The following MKI67 variants were observed in gnomAD, a reference collection of about 807,000 sequenced individuals.
MKI67 encodes the protein proliferation marker protein Ki-67.
MKI67 carries 152 observed loss-of-function variants against 233.5 expected under a neutral mutation model. That is an observed-to-expected ratio of 0.65 (90% CI 0.57 to 0.74). The LOEUF (loss-of-function observed/expected upper bound fraction) is 0.74, where lower values mean the gene tolerates loss of function less well. Among genes scored for constraint, MKI67 ranks in the 30% least tolerant of loss-of-function variants. The pLI, the probability that MKI67 is intolerant of heterozygous loss-of-function variation, is 0.00. For synonymous variants in MKI67, 1,465 were observed against 1,418.5 expected (o/e 1.03, Z -0.74); for missense variants, 3,940 against 3,885.2 (o/e 1.01, Z -0.37).
In MKI67 at chr10:128,108,185, G is replaced by A; in HGVS notation, c.3655C>T (p.Gln1219Ter). Residue 1219 changes from glutamine (Q) to a stop codon, truncating the protein, a stop_gained, in exon 13 of 15, where the codon CAG (glutamine) becomes TAG (stop). Transcript: ENST00000368654. LOFTEE classifies it high-confidence loss of function. ...RQLQTPKEKA[Q>*]ALEDLAGFKE... ...AAGCCAGCCAGGTCTTCTAGAGCCT[G>A]GGCCTTTTCCTTAGGAGTCTGTAGC... The A allele has an allele frequency of 6.2e-7, 1 of 1,613,636 alleles. No individual in the cohort carries two copies. Among genetic ancestry groups the A allele is most frequent in the Middle Eastern group, 1.7e-4 (1 of 6,060 alleles).
At position 128,108,806 on chromosome 10, in the gene MKI67, G is replaced by A. The variant is rs941250216; in HGVS notation, c.3034C>T (p.Pro1012Ser). ...TGTGTTGGGGTGTTTATTGGTTCTG[G>A]TTGTAATGACTGGCAGGGCATTTTA... ...ITKMPCQSLQ[P>S]EPINTPTHTK... The change falls in exon 13 of 15, where the codon CCA becomes TCA. Residue 1012 changes from proline (P) to serine (S), a missense_variant. Transcript: ENST00000368654. 1.9e-6 allele frequency: 3 copies of A among 1,614,170 alleles called. No individual in the cohort carries two copies. Among genetic ancestry groups the A allele is most frequent in the South Asian group, 2.2e-5 (2 of 91,088 alleles).
chr10:128,116,353 A>G, intron 6 of MKI67, 138 bp downstream of exon 6: 1 of 780,666 alleles, frequency 1.3e-6, no homozygotes, highest in East Asian at 2.6e-5. Flanking sequence ...TCTGTCGTTG[A>G]CATGTTAAAT....
rs546169919 is a variant in MKI67 at position 128,099,044 on chromosome 10, T to C, written c.*146A>G. Reference sequence around the variant, plus strand: ...CTCCCAGTGGAGTTTATGAAGCCGATTCAGACCCAGCAAATCCAAAGTTTT... The same window carrying C: ...CTCCCAGTGGAGTTTATGAAGCCGACTCAGACCCAGCAAATCCAAAGTTTT... On this transcript the variant is annotated 3_prime_UTR_variant, in exon 15 of 15. Transcript: ENST00000368654. 24 of 594,840 alleles carry C rather than the reference T, an allele frequency of 4.0e-5. No homozygotes were observed. The highest frequency in any genetic ancestry group is 1.3e-4 in the Admixed American group (4 of 30,654). 36.8% of individuals were successfully genotyped at this position (594,840 alleles called of 1,614,324 possible).
intron 14 of MKI67, 79 bp downstream of exon 14, chr10:128,101,179 T>C (rs1330618527): frequency 2.1e-6 from 3 of 1,396,142 alleles, no homozygotes; most frequent in Non-Finnish European, 3.0e-6. Context: ...ATGCTTTTTG[T>C]TTGCCTTTGC....
At chr10:128,111,521 G>T (rs1331688915) in intron 11 of MKI67, 124 bp downstream of exon 11, 2 of 897,928 alleles carry the variant, frequency 2.2e-6, no homozygotes, top group African/African-American at 3.4e-5. Flanking sequence ...CCCCAGAAGG[G>T]TGATTGAGTC....
intron 8 of MKI67, 43 bp downstream of exon 8, chr10:128,113,384 G>A (rs778343669): frequency 6.3e-7 from 1 of 1,594,852 alleles, no homozygotes; most frequent in South Asian, 1.1e-5. Context: ...TACCCGGTGT[G>A]TGAGCCACTG....
rs1852238941 is a variant in MKI67, at chr10:128,097,614, A to T, written c.*1576T>A. The T allele has an allele frequency of 6.6e-6, 1 of 152,144 alleles. No individual in the cohort carries two copies. Among genetic ancestry groups the T allele is most frequent in the Non-Finnish European group, 1.5e-5 (1 of 68,020 alleles). 9.4% of individuals were successfully genotyped at this position (152,144 alleles called of 1,614,324 possible). A position where few individuals can be genotyped will look rare whatever the true frequency, so the allele number is the denominator to read the frequency against. On this transcript the variant is annotated 3_prime_UTR_variant, in exon 15 of 15. Transcript: ENST00000368654. ...ACAACTTGATCATAGCAACATTCCT[A>T]CTGAAAGTTTTGAGGTTGGCCTACG...
Position 128,125,553 on chromosome 10 carries a change from C to CCG in MKI67, c.92+21_92+22dup. 1.2e-6 allele frequency: 2 copies of CCG among 1,603,384 alleles called. No individual in the cohort carries two copies. Among genetic ancestry groups the CCG allele is most frequent in the Non-Finnish European group, 1.7e-6 (2 of 1,171,580 alleles). On this transcript the variant is annotated intron_variant, in intron 2 of 14. Coordinates refer to ENST00000368654, the MANE Select transcript of MKI67 (RefSeq NM_002417.5). This position sits in a 1 kb window ranked among gnomAD's most constrained non-coding sequence, Gnocchi z 5.3. ...TTTTCCTCTTTCTCAGCTAAAACGTCCGCGCGCGCCCGCGGGGCTCACCTT... is the reference window on the plus strand; with the variant it reads ...TTTTCCTCTTTCTCAGCTAAAACGTCCGCGCGCGCGCCCGCGGGGCTCACCTT...
In MKI67 at chr10:128,105,653, G is replaced by A. The variant is rs778314904; in HGVS notation, c.6187C>T (p.Pro2063Ser). ...ANYGTGMERW[P>S]RTPKEEAQSL... ...TGGGCCTCTTCCTTAGGTGTTCTTGGCCACCTCTCCATCCCAGTTCCATAG... is the reference window on the plus strand; with the variant it reads ...TGGGCCTCTTCCTTAGGTGTTCTTGACCACCTCTCCATCCCAGTTCCATAG... Residue 2063 changes from proline (P) to serine (S), a missense_variant, in exon 13 of 15, where the codon CCA becomes TCA. Coordinates refer to ENST00000368654, the MANE Select transcript of MKI67 (RefSeq NM_002417.5). The A allele has an allele frequency of 5.0e-6, 8 of 1,613,588 alleles. No homozygotes were observed. Among genetic ancestry groups the A allele is most frequent in the Non-Finnish European group, 5.9e-6 (7 of 1,179,958 alleles).
In MKI67 at chr10:128,122,910, A is replaced by G. The variant is rs1181862357; in HGVS notation, c.258T>C (p.Asp86=). The change falls in exon 4 of 15, where the codon GAT becomes GAC. Residue 86 remains aspartate, a synonymous_variant. Coordinates refer to ENST00000368654, the MANE Select transcript of MKI67 (RefSeq NM_002417.5). ...IDEPVRLKHG[D]VITIIDRSFR... ...AGGAACGATCAATAATAGTTATTAC[A>G]TCTCCATGTTTTAGCCGTACAGGCT... is the stretch of plus-strand genomic sequence containing the variant. The G allele has an allele frequency of 1.9e-6, 3 of 1,591,502 alleles. No homozygotes were observed. The highest frequency in any genetic ancestry group is 2.6e-6 in the Non-Finnish European group (3 of 1,164,024).
At position 128,101,805 on chromosome 10, in the gene MKI67, T is replaced by C; in HGVS notation, c.9262-104A>G. 4 of 886,802 alleles carry C rather than the reference T, an allele frequency of 4.5e-6. No homozygotes were observed. The South Asian group carries it at 5.3e-5, about 12-fold the overall frequency. The allele number at this position is 886,802 out of a possible 1,614,324, so 54.9% of individuals were successfully genotyped here. A position where few individuals can be genotyped will look rare whatever the true frequency, so the allele number is the denominator to read the frequency against. The stretch of plus-strand genomic sequence containing the variant: ...ACAGTAACCTAAAAGGAGAAATCAT[T>C]TGAAAATCACACACTGATGAATTGT... On this transcript the variant is annotated intron_variant, in intron 13 of 14. Transcript: ENST00000368654.
chr10:128,114,491 G>C (rs1052094285), intron 7 of MKI67, among the ~76,000 whole-genome samples: 4 of 152,238 alleles, frequency 2.6e-5, no homozygotes, highest in African/African-American at 9.6e-5. Context: ...TGAAAACAGA[G>C]TATCAACACC....
At position 128,115,736 on chromosome 10, in the gene MKI67, T is replaced by C; in HGVS notation, c.672A>G (p.Thr224=). The change falls in exon 7 of 15, where the codon ACA becomes ACG. Residue 224 remains threonine (T), a synonymous_variant. Transcript: ENST00000368654. ...TTTTTTTGCTATTGTCAAGACATTG[T>C]GTAGTGGGAACAGACTTCAATTCTC... ...RYGELKSVPT[T]QCLDNSKKNE... The C allele has an allele frequency of 6.2e-7, 1 of 1,613,754 alleles. No homozygotes were observed. Among genetic ancestry groups the C allele is most frequent in the Non-Finnish European group, 8.5e-7 (1 of 1,180,022 alleles).
Position 128,103,705 on chromosome 10 carries a change from T to G in MKI67, c.8135A>C (p.Glu2712Ala). ...TGTGCTTGCTGTGGTGTCTACCACTTCTAGTGGGGGAGATTCGCAGGGTAT... is the reference window on the plus strand; with the variant it reads ...TGTGCTTGCTGTGGTGTCTACCACTGCTAGTGGGGGAGATTCGCAGGGTAT... Reference protein sequence around the residue: ...TKIPCESPPLEVVDTTASTKR... With the variant: ...TKIPCESPPLAVVDTTASTKR... Residue 2712 changes from glutamate to alanine, a missense_variant, in exon 13 of 15, where the codon GAA becomes GCA. Coordinates refer to ENST00000368654, the MANE Select transcript of MKI67 (RefSeq NM_002417.5). 1 of 1,614,094 alleles carries G rather than the reference T, an allele frequency of 6.2e-7. No homozygotes were observed. Among genetic ancestry groups the G allele is most frequent in the Non-Finnish European group, 8.5e-7 (1 of 1,180,014 alleles).
At position 128,122,930 on chromosome 10, in the gene MKI67, C is replaced by A; in HGVS notation, c.238G>T (p.Val80Leu). ...QVNGSVIDEPVRLKHGDVITI... is the reference protein window; with the variant it reads ...QVNGSVIDEPLRLKHGDVITI... Reference sequence around the variant, plus strand: ...ATTACATCTCCATGTTTTAGCCGTACAGGCTCATCAATAACAGACCCATTT... The same window carrying A: ...ATTACATCTCCATGTTTTAGCCGTAAAGGCTCATCAATAACAGACCCATTT... The change falls in exon 4 of 15, where the codon GTA becomes TTA. Residue 80 changes from valine to leucine, a missense_variant. By Grantham distance (32) the Val-to-Leu change is conservative (BLOSUM62 1). Coordinates refer to ENST00000368654, the MANE Select transcript of MKI67 (RefSeq NM_002417.5). The A allele has an allele frequency of 6.2e-7, 1 of 1,605,266 alleles. No homozygotes were observed. Among genetic ancestry groups the A allele is most frequent in the Non-Finnish European group, 8.5e-7 (1 of 1,173,324 alleles).
In MKI67 at chr10:128,108,171, G is replaced by C; in HGVS notation, c.3669C>G (p.Asp1223Glu). 6.2e-7 allele frequency: 1 copy of C among 1,613,592 alleles called. No individual in the cohort carries two copies. Among genetic ancestry groups the C allele is most frequent in the Non-Finnish European group, 8.5e-7 (1 of 1,179,882 alleles). ...TPKEKAQALE[D>E]LAGFKELFQT... Reference sequence around the variant, plus strand: ...GGAAGAGCTCTTTAAAGCCAGCCAGGTCTTCTAGAGCCTGGGCCTTTTCCT... The same window carrying C: ...GGAAGAGCTCTTTAAAGCCAGCCAGCTCTTCTAGAGCCTGGGCCTTTTCCT... Residue 1223 changes from aspartate to glutamate, a missense_variant, in exon 13 of 15, where the codon GAC (aspartate) becomes GAG (glutamate). Asp to Glu is a conservative substitution (Grantham distance 45). Transcript: ENST00000368654.
chr10:128,120,832 A>T (rs1852920619), intron 4 of MKI67, among the ~76,000 whole-genome samples: 1 of 152,176 alleles, frequency 6.6e-6, no homozygotes, highest in Admixed American at 6.5e-5. Context: ...GGAGTACTGT[A>T]CTAACATGAG....
rs778691346 is a variant in MKI67 at position 128,106,594 on chromosome 10, G to T, written c.5246C>A (p.Thr1749Lys). ...TCTCTTGGGCTGTGGCTTGGAGCTTGTTGGGGTGTCCACTAGGTCTGGCTG... is the reference window on the plus strand; with the variant it reads ...TCTCTTGGGCTGTGGCTTGGAGCTTTTTGGGGTGTCCACTAGGTCTGGCTG... ...ASQPDLVDTP[T>K]SSKPQPKRSL... Residue 1749 changes from threonine to lysine, a missense_variant, in exon 13 of 15, where the codon ACA (threonine) becomes AAA (lysine). By Grantham distance (78) the Thr-to-Lys change is moderately conservative (BLOSUM62 -1). Transcript: ENST00000368654. The T allele has an allele frequency of 1.1e-5, 17 of 1,614,228 alleles. No individual in the cohort carries two copies. The South Asian group carries it at 1.5e-4, about 15-fold the overall frequency.
chr10:128,099,161 A>G lies in MKI67; in HGVS notation c.*29T>C, dbSNP rs1355744686. On this transcript the variant is annotated 3_prime_UTR_variant, in exon 15 of 15. Transcript: ENST00000368654. Reference sequence around the variant, plus strand: ...TAGAACTTATCACAAAACTAACTTTATTATATTTTTCCCAGTTCGATTTTT... The same window carrying G: ...TAGAACTTATCACAAAACTAACTTTGTTATATTTTTCCCAGTTCGATTTTT... The G allele has an allele frequency of 6.4e-7, 1 of 1,560,068 alleles. No homozygotes were observed.
Sources: gnomAD v4.1 joint callset for allele counts (sites outside exome capture counted in the v4.1 genomes callset) on GRCh38, gnomAD v4.1.1 for gene constraint, Gnocchi (gnomAD v3.1) non-coding constraint, MANE v1.5 for transcripts, NCBI Gene and HGNC (gene_info 2026-07-23, HGNC 2026-07-21) for gene names.